The following KSR2 variants were observed in gnomAD, a reference collection of about 807,000 sequenced individuals.
The protein encoded by KSR2 is kinase suppressor of ras 2.
KSR2 carries 25 observed loss-of-function variants against 107.8 expected under a neutral mutation model. The observed-to-expected ratio is 0.23, with a 90% CI of 0.17 to 0.32. The LOEUF (loss-of-function observed/expected upper bound fraction) is 0.32, where lower values mean the gene tolerates loss of function less well. KSR2 is among the 10% of genes least tolerant of loss of function. KSR2 has a pLI of 1.00. For synonymous variants in KSR2, 480 were observed against 507.0 expected, an observed-to-expected ratio of 0.95 and a Z score of 0.71; for missense variants, 887 against 1,268.9, an observed-to-expected ratio of 0.70 and a Z score of 4.57.
chr12:117,613,402 G>C (rs1165393713), intron 5 of KSR2, among the ~76,000 whole-genome samples: 1 of 152,122 alleles, frequency 6.6e-6, no homozygotes, highest in Admixed American at 6.5e-5. Context: ...TCAGCTACTG[G>C]CCCTGTCTAA....
At position 117,728,652 on chromosome 12, in the gene KSR2, C is replaced by G. The variant is rs551685455; in HGVS notation, c.986+32359G>C. On this transcript the variant is annotated intron_variant, in intron 4 of 19. Transcript: ENST00000339824. ...GTTCCCCCAGCGCTGCAAAACACGC[C>G]AAGCATGGATAACGGCCGTGCCGCC... is the stretch of plus-strand genomic sequence containing the variant. 4.8e-4 allele frequency among the ~76,000 whole-genome samples: 73 copies of G among 152,196 alleles called. 1 individual carries two copies. The highest frequency in any genetic ancestry group is 7.5e-4 in the Non-Finnish European group (51 of 68,042).
chr12:117,667,426 G>C, intron 5 of KSR2, 48 bp downstream of exon 5: 1 of 1,547,962 alleles, frequency 6.5e-7, no homozygotes, highest in Non-Finnish European at 8.8e-7. Context: ...TGGGGAGAAG[G>C]AGGTGGCATG....
intron 1 of KSR2, among the ~76,000 whole-genome samples, chr12:117,895,262 C>T (rs935549022): frequency 3.6e-4 from 54 of 151,724 alleles, no homozygotes; most frequent in East Asian, 1.9e-4. Flanking sequence ...TATATATTAC[C>T]GACATTTTGA....
rs565049553 is a variant in KSR2, at chr12:117,959,875, G to A, written c.180+8201C>T. Among the ~76,000 whole-genome samples the A allele has an allele frequency of 3.3e-5, 5 of 151,600 alleles. No homozygotes were observed. The South Asian group carries it at 1.0e-3, about 32-fold the overall frequency. On this transcript the variant is annotated intron_variant, in intron 1 of 19. Transcript: ENST00000339824. Reference sequence around the variant, plus strand: ...GAGCCTGGGAGGTCGAGGCTTCAGTGAGCCATGACAGTGCCACTGCACTGC... The same window carrying A: ...GAGCCTGGGAGGTCGAGGCTTCAGTAAGCCATGACAGTGCCACTGCACTGC...
At chr12:117,583,453 ATGGATGGATGGG>A (rs1471060630) in intron 5 of KSR2, among the ~76,000 whole-genome samples, 30 of 146,406 alleles carry the variant, frequency 2.0e-4, no homozygotes, top group Middle Eastern at 7.0e-3. Context: ...GGATGGATGG[ATGGATGGATGGG>A]TGAATGGAAA....
chr12:117,776,242 C>T (rs927154796), intron 3 of KSR2, among the ~76,000 whole-genome samples: 1 of 152,076 alleles, frequency 6.6e-6, no homozygotes, highest in Non-Finnish European at 1.5e-5. Context: ...TGCAATTAAA[C>T]CTGGGACTCA....
chr12:117,593,086 G>C (rs945396291), intron 5 of KSR2, among the ~76,000 whole-genome samples: 1 of 152,148 alleles, frequency 6.6e-6, no homozygotes, highest in Non-Finnish European at 1.5e-5. Context: ...CATGTGCAAA[G>C]GCAGCTTGGA....
chr12:117,581,799 A>C (rs1227272561), intron 6 of KSR2, among the ~76,000 whole-genome samples: 1 of 152,256 alleles, frequency 6.6e-6, no homozygotes, highest in Non-Finnish European at 1.5e-5. Flanking sequence ...GTGCACCTGC[A>C]GTCTTGTGTA....
At position 117,897,023 on chromosome 12, in the gene KSR2, T is replaced by C. The variant is rs958216419; in HGVS notation, c.181-36592A>G. The stretch of plus-strand genomic sequence containing the variant: ...GCTGTGCCAAGCAGGGCAGTGATAC[T>C]TCATCTGCCTAACCAGGAGGTGTTA... On this transcript the variant is annotated intron_variant, in intron 1 of 19. Coordinates refer to ENST00000339824, the MANE Select transcript of KSR2 (RefSeq NM_173598.6). This position sits in a 1 kb window ranked among gnomAD's most constrained non-coding sequence, Gnocchi z 4.5. Among the ~76,000 whole-genome samples the C allele has an allele frequency of 2.6e-5, 4 of 152,144 alleles. No individual in the cohort carries two copies. Among genetic ancestry groups the C allele is most frequent in the African/African-American group, 9.7e-5 (4 of 41,432 alleles).
intron 5 of KSR2, among the ~76,000 whole-genome samples, chr12:117,658,007 A>T (rs191745462): frequency 2.0e-4 from 30 of 152,382 alleles, no homozygotes; most frequent in African/African-American, 7.2e-4. Flanking sequence ...AATGTCAGGC[A>T]ATGCTTTCCC....
chr12:117,554,559 G>A (rs1877527099), intron 9 of KSR2, among the ~76,000 whole-genome samples: 1 of 152,218 alleles, frequency 6.6e-6, no homozygotes, highest in Non-Finnish European at 1.5e-5. Context: ...GAGGGGCCCA[G>A]TGGGAGGTAA....
intron 5 of KSR2, among the ~76,000 whole-genome samples, chr12:117,594,353 A>G (rs1250802843): frequency 6.6e-6 from 1 of 152,216 alleles, no homozygotes; most frequent in Non-Finnish European, 1.5e-5. Flanking sequence ...TTCAGGCAAT[A>G]GACTGCCTCT....
In KSR2 at chr12:117,476,360, C is replaced by G. The variant is rs561825669; in HGVS notation, c.2582+104G>C. 319 of 1,388,472 alleles carry G rather than the reference C, an allele frequency of 2.3e-4. 1 individual carries two copies. The African/African-American group carries it at 4.2e-3, about 18-fold the overall frequency. 86.0% of individuals were successfully genotyped at this position (1,388,472 alleles called of 1,614,324 possible). On this transcript the variant is annotated intron_variant, in intron 17 of 19. Transcript: ENST00000339824. ...ACCCAAAAATCCAGCCACTTTGGCC[C>G]TGTAGACAGGTACACCCTGGCCCTT...
intron 14 of KSR2, among the ~76,000 whole-genome samples, chr12:117,496,539 T>C (rs1873037362): frequency 2.0e-5 from 3 of 152,210 alleles, no homozygotes; most frequent in Non-Finnish European, 4.4e-5. Flanking sequence ...CCAACTCCTA[T>C]TTATCACTTA....
rs780905800 is a variant in KSR2 at position 117,897,601 on chromosome 12, G to A, written c.181-37170C>T. Among the ~76,000 whole-genome samples, 6 of 152,006 alleles carry A rather than the reference G, an allele frequency of 3.9e-5. No individual in the cohort carries two copies. Among genetic ancestry groups the A allele is most frequent in the Non-Finnish European group, 5.9e-5 (4 of 68,014 alleles). ...TGAGGTAACAATGGCCTTCTGGAGCGGGGAAGGAAAATTCTCCCCCTGTGG... is the reference window on the plus strand; with the variant it reads ...TGAGGTAACAATGGCCTTCTGGAGCAGGGAAGGAAAATTCTCCCCCTGTGG... On this transcript the variant is annotated intron_variant, in intron 1 of 19. Coordinates refer to ENST00000339824, the MANE Select transcript of KSR2 (RefSeq NM_173598.6). This position sits in a 1 kb window ranked among gnomAD's most constrained non-coding sequence, Gnocchi z 4.5.
intron 3 of KSR2, among the ~76,000 whole-genome samples, chr12:117,774,949 T>C (rs144324414): frequency 1.1e-4 from 17 of 152,348 alleles, no homozygotes; most frequent in African/African-American, 4.1e-4. Flanking sequence ...TTCTTTCCTT[T>C]TGCATAATGT....
At chr12:117,713,443 T>C (rs1385485621) in intron 4 of KSR2, among the ~76,000 whole-genome samples, 1 of 152,158 alleles carries the variant, frequency 6.6e-6, no homozygotes, top group Non-Finnish European at 1.5e-5. Context: ...TTTGGCACCT[T>C]AGTTATTATT....
chr12:117,942,268 A>G (rs1896032635), intron 1 of KSR2, among the ~76,000 whole-genome samples: 1 of 152,120 alleles, frequency 6.6e-6, no homozygotes, highest in Non-Finnish European at 1.5e-5. Context: ...ATTTTGAAAT[A>G]TACAATAAAT....
intron 19 of KSR2, among the ~76,000 whole-genome samples, chr12:117,469,378 G>A (rs868021313): frequency 1.3e-5 from 2 of 152,250 alleles, no homozygotes; most frequent in South Asian, 4.2e-4. Context: ...CTCACTGCAT[G>A]ATGCTCAGAC....
Sources: gnomAD v4.1 joint callset for allele counts (sites outside exome capture counted in the v4.1 genomes callset) on GRCh38, gnomAD v4.1.1 for gene constraint, Gnocchi (gnomAD v3.1) non-coding constraint, MANE v1.5 for transcripts, NCBI Gene and HGNC (gene_info 2026-07-23, HGNC 2026-07-21) for gene names.